Variants in CDK6 observed in about 807,000 individuals in gnomAD.
The protein encoded by CDK6 is cyclin-dependent kinase 6.
A neutral mutation model predicts 37.1 loss-of-function variants in CDK6; 6 were observed. The ratio of observed to expected loss-of-function variants is 0.16; its 90% CI spans 0.09 to 0.32. CDK6 has a LOEUF of 0.32. CDK6 is among the 10% of genes least tolerant of loss of function. CDK6 has a pLI of 1.00. For synonymous variants in CDK6, 160 were observed against 161.3 expected, an observed-to-expected ratio of 0.99 and a Z score of 0.06; for missense variants, 224 against 418.9, an observed-to-expected ratio of 0.53 and a Z score of 4.06.
At chr7:92,712,999 C>T (rs1798136868) in intron 4 of CDK6, among the ~76,000 whole-genome samples, 1 of 152,100 alleles carries the variant, frequency 6.6e-6, no homozygotes, top group South Asian at 2.1e-4. Context: ...GCTGGGACTA[C>T]AGGAATGCGC....
intron 5 of CDK6, among the ~76,000 whole-genome samples, chr7:92,664,881 G>C (rs1796920374): frequency 6.6e-6 from 1 of 151,952 alleles, no homozygotes. Context: ...CACCTCCTGG[G>C]TTCAAGCGAT....
Position 92,608,886 on chromosome 7 carries a change from G to A in CDK6, c.*6254C>T, listed in dbSNP as rs570554629. The A allele has an allele frequency of 4.3e-6, 1 of 232,566 alleles. No individual in the cohort carries two copies. Among genetic ancestry groups the A allele is most frequent in the Admixed American group, 5.6e-5 (1 of 17,788 alleles). 14.4% of individuals were successfully genotyped at this position (232,566 alleles called of 1,614,324 possible). ...TCTCCTGCCAAAGGGGCGGGGCAACGAGGCAGCGCGCCCGGAAGGCTTTCA... is the reference window on the plus strand; with the variant it reads ...TCTCCTGCCAAAGGGGCGGGGCAACAAGGCAGCGCGCCCGGAAGGCTTTCA... On this transcript the variant is annotated 3_prime_UTR_variant, in exon 8 of 8. Transcript: ENST00000424848.
chr7:92,791,040 T>A lies in CDK6; in HGVS notation c.234-16209A>T, dbSNP rs527509462. Among the ~76,000 whole-genome samples, 230 of 152,274 alleles carry A rather than the reference T, an allele frequency of 1.5e-3. 2 individuals are homozygous for A. Among genetic ancestry groups the A allele is most frequent in the African/African-American group, 5.1e-3 (211 of 41,550 alleles). On this transcript the variant is annotated intron_variant, in intron 2 of 7. Coordinates refer to ENST00000424848, the MANE Select transcript of CDK6 (RefSeq NM_001145306.2). ...GTGGTAAGACCACCTGTAAGGAGAC[T>A]GTTGCTGCAGTAGTACAGGGAAAGT...
chr7:92,767,895 T>C (rs1268580168), intron 3 of CDK6, among the ~76,000 whole-genome samples: 1 of 152,160 alleles, frequency 6.6e-6, no homozygotes, highest in Non-Finnish European at 1.5e-5. Context: ...TTTGGATGCC[T>C]GTTTTTTAAA....
At chr7:92,803,458 A>G (rs1800641768) in intron 2 of CDK6, among the ~76,000 whole-genome samples, 2 of 152,224 alleles carry the variant, frequency 1.3e-5, no homozygotes, top group Admixed American at 1.3e-4. Context: ...TCACATAGGT[A>G]ACAAGGAGAA....
chr7:92,682,653 T>G (rs1797363484), intron 4 of CDK6, among the ~76,000 whole-genome samples: 1 of 152,082 alleles, frequency 6.6e-6, no homozygotes, highest in Admixed American at 6.5e-5. Context: ...TTCCAACAAA[T>G]GTATGGGTAG....
intron 2 of CDK6, among the ~76,000 whole-genome samples, chr7:92,782,237 C>A (rs558333510): frequency 6.6e-6 from 1 of 152,118 alleles, no homozygotes; most frequent in South Asian, 2.1e-4. Context: ...TGTATTAGTA[C>A]CAAATAAATT....
At chr7:92,751,013 A>G (rs1429514746) in intron 3 of CDK6, among the ~76,000 whole-genome samples, 3 of 152,210 alleles carry the variant, frequency 2.0e-5, no homozygotes, top group Admixed American at 2.0e-4. Context: ...ATTGATAATA[A>G]AAGTTATGAC....
chr7:92,810,643 G>A (rs1234792766), intron 2 of CDK6, among the ~76,000 whole-genome samples: 1 of 152,180 alleles, frequency 6.6e-6, no homozygotes, highest in East Asian at 1.9e-4. Context: ...CATTTTATTA[G>A]AAACATACAA....
chr7:92,723,679 T>C (rs1278727715), intron 4 of CDK6, among the ~76,000 whole-genome samples: 2 of 152,158 alleles, frequency 1.3e-5, no homozygotes, highest in Non-Finnish European at 2.9e-5. Flanking sequence ...TCCAATAAAG[T>C]CTGATTTTTG....
In CDK6 at chr7:92,607,598, T is replaced by C. The variant is rs1795457290; in HGVS notation, c.*7542A>G. The stretch of plus-strand genomic sequence containing the variant: ...CCATCAATACCATGATAATGAACAT[T>C]AGATGCAAAATCCTAACACTTTCTG... On this transcript the variant is annotated 3_prime_UTR_variant, in exon 8 of 8. Transcript: ENST00000424848. The C allele has an allele frequency of 4.3e-6, 1 of 232,748 alleles. No homozygotes were observed. The highest frequency in any genetic ancestry group is 8.5e-6 in the Non-Finnish European group (1 of 117,884). 14.4% of individuals were successfully genotyped at this position (232,748 alleles called of 1,614,324 possible). A position where few individuals can be genotyped will look rare whatever the true frequency, so the allele number is the denominator to read the frequency against.
intron 3 of CDK6, among the ~76,000 whole-genome samples, chr7:92,732,331 C>T (rs1440285777): frequency 6.6e-6 from 1 of 152,184 alleles, no homozygotes; most frequent in Non-Finnish European, 1.5e-5. Flanking sequence ...GTGGGAAGAT[C>T]ACTTGAGCCT....
At chr7:92,661,664 A>C (rs1796838002) in intron 5 of CDK6, among the ~76,000 whole-genome samples, 1 of 152,178 alleles carries the variant, frequency 6.6e-6, no homozygotes, top group Admixed American at 6.5e-5. Context: ...CACATTGAAT[A>C]GGCTGAGGGT....
chr7:92,629,222 G>A (rs1367870825), intron 5 of CDK6, among the ~76,000 whole-genome samples: 2 of 152,144 alleles, frequency 1.3e-5, no homozygotes, highest in Non-Finnish European at 2.9e-5. Context: ...GGAAAGACTT[G>A]TGTCTCTAAC....
intron 4 of CDK6, among the ~76,000 whole-genome samples, chr7:92,692,943 G>A (rs566883305): frequency 6.6e-6 from 1 of 152,218 alleles, no homozygotes; most frequent in Admixed American, 6.5e-5. Context: ...AAAATTTTCT[G>A]AATGAAAACC....
At chr7:92,765,670 C>T (rs1799561868) in intron 3 of CDK6, among the ~76,000 whole-genome samples, 1 of 152,036 alleles carries the variant, frequency 6.6e-6, no homozygotes, top group Non-Finnish European at 1.5e-5. Context: ...CTGAGGATCC[C>T]CTATGTTCCA....
chr7:92,787,665 T>G (rs570898668), intron 2 of CDK6, among the ~76,000 whole-genome samples: 221 of 152,046 alleles, frequency 1.5e-3, no homozygotes, highest in African/African-American at 4.9e-3. Flanking sequence ...CAATATGGAG[T>G]GACTCTACAA....
At position 92,745,573 on chromosome 7, in the gene CDK6, G is replaced by A. The variant is rs547922807; in HGVS notation, c.370-19780C>T. Among the ~76,000 whole-genome samples, 5 of 152,318 alleles carry A rather than the reference G, an allele frequency of 3.3e-5. No individual in the cohort carries two copies. The East Asian group carries it at 9.6e-4, about 29-fold the overall frequency. On this transcript the variant is annotated intron_variant, in intron 3 of 7. Coordinates refer to ENST00000424848, the MANE Select transcript of CDK6 (RefSeq NM_001145306.2). ...CATTTGTGAAAAAATGGGCATCTTA[G>A]AACTGATCAAATGTGGTACTTCGCT... is the stretch of plus-strand genomic sequence containing the variant.
chr7:92,777,336 G>A (rs560910516), intron 2 of CDK6, among the ~76,000 whole-genome samples: 3 of 152,214 alleles, frequency 2.0e-5, no homozygotes, highest in East Asian at 3.9e-4. Context: ...AGGTTCAAGC[G>A]ATTCTCCTGC....
Sources: allele counts gnomAD v4.1 joint callset (sites outside exome capture counted in the v4.1 genomes callset), GRCh38; gene constraint gnomAD v4.1.1; transcripts MANE v1.5; gene names NCBI Gene and HGNC (gene_info 2026-07-23, HGNC 2026-07-21).